Variants in RIMS1 observed in about 807,000 individuals in gnomAD.
RIMS1 encodes the protein regulating synaptic membrane exocytosis 1.
In RIMS1, 83 loss-of-function variants were observed where a neutral mutation model predicts 214.1. The ratio of observed to expected loss-of-function variants is 0.39; its 90% CI spans 0.32 to 0.47. The LOEUF (loss-of-function observed/expected upper bound fraction) is 0.47, where lower values mean the gene tolerates loss of function less well. Among genes scored for constraint, RIMS1 ranks in the 20% least tolerant of loss-of-function variants. The probability of loss-of-function intolerance (pLI) is 0.99; values close to 1 mark genes in which losing one functional copy is unlikely to be tolerated. For synonymous variants in RIMS1, 793 were observed against 786.8 expected (o/e 1.01, Z -0.13); for missense variants, 2,050 against 2,161.8 (o/e 0.95, Z 1.03).
At chr6:72,359,135 C>T (rs1390193585) in intron 29 of RIMS1, among the ~76,000 whole-genome samples, 1 of 152,158 alleles carries the variant, frequency 6.6e-6, no homozygotes, top group Non-Finnish European at 1.5e-5. Context: ...AAGAGGCTAA[C>T]AAATACAGTT....
chr6:72,128,943 C>T (rs1354060276), intron 4 of RIMS1, among the ~76,000 whole-genome samples: 1 of 152,124 alleles, frequency 6.6e-6, no homozygotes, highest in Admixed American at 6.5e-5. Flanking sequence ...ACATTGCATA[C>T]AGTAATTCCA....
chr6:72,000,981 C>T (rs555878014), intron 2 of RIMS1, among the ~76,000 whole-genome samples: 2 of 151,902 alleles, frequency 1.3e-5, no homozygotes, highest in Non-Finnish European at 2.9e-5. Context: ...CTAAATATTG[C>T]TGTCTTTGTA....
At chr6:72,199,563 C>T (rs1022769861) in intron 6 of RIMS1, among the ~76,000 whole-genome samples, 6 of 151,846 alleles carry the variant, frequency 4.0e-5, no homozygotes, top group African/African-American at 1.2e-4. Flanking sequence ...GTAAAACTGA[C>T]AGATATGGGA....
At chr6:71,974,518 C>T (rs1043581178) in intron 2 of RIMS1, among the ~76,000 whole-genome samples, 3 of 151,726 alleles carry the variant, frequency 2.0e-5, no homozygotes, top group Non-Finnish European at 2.9e-5. Context: ...TTAAAAAGTC[C>T]GAGAAAGACT....
At chr6:72,098,032 G>T (rs2032356580) in intron 3 of RIMS1, among the ~76,000 whole-genome samples, 1 of 152,136 alleles carries the variant, frequency 6.6e-6, no homozygotes, top group Admixed American at 6.5e-5. Context: ...CAAGCATGTA[G>T]CTAAAGAATT....
intron 25 of RIMS1, 57 bp from the exon 26 acceptor site, chr6:72,291,877 T>C: frequency 7.7e-7 from 1 of 1,294,230 alleles, no homozygotes; most frequent in East Asian, 2.5e-5. Context: ...GGAAAGATTT[T>C]TGTCAGACCA....
intron 1 of RIMS1, among the ~76,000 whole-genome samples, chr6:71,951,758 GCACTCTCCCAA>G (rs1789652879): frequency 6.6e-6 from 1 of 151,116 alleles, no homozygotes; most frequent in African/African-American, 2.4e-5. Context: ...TCAAATCCCA[GCACTCTCCCAA>G]AGTGCTGGGA....
At chr6:72,250,292 T>C in intron 12 of RIMS1, 38 bp from the exon 13 acceptor site, 1 of 1,576,484 alleles carries the variant, frequency 6.3e-7, no homozygotes, top group East Asian at 2.3e-5. Flanking sequence ...TAATGCCTCA[T>C]GATTTTTACA....
chr6:72,080,026 C>G (rs1832926213), intron 2 of RIMS1, among the ~76,000 whole-genome samples: 1 of 128,506 alleles, frequency 7.8e-6, no homozygotes. Context: ...CACTTGAGGT[C>G]AGGAGTTCAA....
chr6:72,121,935 G>C (rs2038428797), intron 4 of RIMS1, among the ~76,000 whole-genome samples: 1 of 151,848 alleles, frequency 6.6e-6, no homozygotes, highest in Admixed American at 6.6e-5. Flanking sequence ...CTTTGGTTCT[G>C]TTTATGTGAT....
chr6:72,164,917 A>G (rs2046041892), intron 4 of RIMS1, among the ~76,000 whole-genome samples: 1 of 152,140 alleles, frequency 6.6e-6, no homozygotes, highest in Admixed American at 6.5e-5. Context: ...AGTAAACCTA[A>G]TTACCCTCCA....
chr6:72,215,926 A>C (rs539387132), intron 6 of RIMS1, among the ~76,000 whole-genome samples: 11 of 152,344 alleles, frequency 7.2e-5, no homozygotes, highest in African/African-American at 2.6e-4. Context: ...TAATTTAAGT[A>C]AACACAGCAC....
chr6:72,167,323 GT>G (rs1191627303), intron 4 of RIMS1, among the ~76,000 whole-genome samples: 1 of 151,754 alleles, frequency 6.6e-6, no homozygotes, highest in Non-Finnish European at 1.5e-5. Flanking sequence ...AAGTTTGGTA[GT>G]TTTTTTCTTA....
At chr6:71,949,916 T>G (rs891951895) in intron 1 of RIMS1, among the ~76,000 whole-genome samples, 2 of 152,130 alleles carry the variant, frequency 1.3e-5, no homozygotes, top group African/African-American at 4.8e-5. Flanking sequence ...GGCTTCAATA[T>G]TCATAACAGG....
chr6:72,270,994 G>A (rs182472362), intron 22 of RIMS1, among the ~76,000 whole-genome samples: 5 of 152,130 alleles, frequency 3.3e-5, no homozygotes, highest in East Asian at 1.9e-4. Context: ...AAGTACTGCC[G>A]TGGTGGCTCA....
intron 2 of RIMS1, among the ~76,000 whole-genome samples, chr6:72,090,908 G>C (rs564821586): frequency 2.0e-5 from 3 of 152,244 alleles, no homozygotes; most frequent in South Asian, 4.1e-4. Flanking sequence ...CTCTTAATCA[G>C]TCCATCGTTC....
chr6:72,086,031 A>G (rs2153784778), intron 2 of RIMS1, among the ~76,000 whole-genome samples: 1 of 152,162 alleles, frequency 6.6e-6, no homozygotes. Context: ...TATTTTCCCA[A>G]ATGTTTTCAT....
At chr6:72,111,995 A>T (rs2036182418) in intron 4 of RIMS1, among the ~76,000 whole-genome samples, 1 of 152,194 alleles carries the variant, frequency 6.6e-6, no homozygotes, top group African/African-American at 2.4e-5. Flanking sequence ...AGTCAAATAT[A>T]TTAGCAGATG....
intron 19 of RIMS1, chr6:72,263,228 T>C (rs2078854940): frequency 1.0e-6 from 1 of 984,938 alleles, no homozygotes; most frequent in East Asian, 1.1e-4. Flanking sequence ...GAAATCTGTA[T>C]GTTTAGTTTC....
Sources: allele counts gnomAD v4.1 joint callset (sites outside exome capture counted in the v4.1 genomes callset), GRCh38; gene constraint gnomAD v4.1.1; transcripts MANE v1.5; gene names NCBI Gene and HGNC (gene_info 2026-07-23, HGNC 2026-07-21).